Variants in PTGER3 observed in about 807,000 individuals in gnomAD.
The protein encoded by PTGER3 is prostaglandin E2 receptor EP3 subtype.
PTGER3 carries 22 observed loss-of-function variants against 34.7 expected under a neutral mutation model. That is an observed-to-expected ratio of 0.63 (90% CI 0.45 to 0.91). PTGER3 has a LOEUF of 0.91. Among genes scored for constraint, PTGER3 ranks in the 40% least tolerant of loss-of-function variants. The pLI is 0.00. For synonymous variants in PTGER3, 241 were observed against 230.1 expected (o/e 1.05, Z -0.43); for missense variants, 468 against 519.4 (o/e 0.90, Z 0.96).
At chr1:70,928,388 C>T (rs1648342955) in intron 4 of PTGER3, among the ~76,000 whole-genome samples, 1 of 151,636 alleles carries the variant, frequency 6.6e-6, no homozygotes, top group African/African-American at 2.4e-5. Context: ...AATCCCAACT[C>T]TTTGGGAGCC....
chr1:70,991,728 G>C (rs772310408), intron 2 of PTGER3, among the ~76,000 whole-genome samples: 1 of 152,092 alleles, frequency 6.6e-6, no homozygotes, highest in African/African-American at 2.4e-5. Context: ...AGGCTTAACT[G>C]TTCTATGTCC....
chr1:70,968,154 A>C (rs984649028), downstream of PTGER3, among the ~76,000 whole-genome samples: 2 of 152,184 alleles, frequency 1.3e-5, no homozygotes, highest in Non-Finnish European at 2.9e-5. Context: ...GAATGAAAGC[A>C]CTAATGCTGC....
At chr1:71,007,101 T>C in intron 2 of PTGER3, 1 of 984,894 alleles carries the variant, frequency 1.0e-6, no homozygotes, top group Non-Finnish European at 1.2e-6. Context: ...AAAGAGACTT[T>C]TCCATTTAAT....
chr1:70,941,254 A>G (rs1382310269), intron 4 of PTGER3, among the ~76,000 whole-genome samples: 6 of 152,140 alleles, frequency 3.9e-5, no homozygotes, highest in Non-Finnish European at 8.8e-5. Context: ...TTAAGGGGAA[A>G]TTTTTGTGTT....
At position 71,044,705 on chromosome 1, in the gene PTGER3, T is replaced by A. The variant is rs947249120; in HGVS notation, c.897+1976A>T. On this transcript the variant is annotated intron_variant, in intron 1 of 3. Coordinates refer to ENST00000306666, the MANE Select transcript of PTGER3 (RefSeq NM_198719.2). ...CATACTTTTGGTACTAGAATTAAAG[T>A]GTCTAAATCAAAAACACACTACATG... Among the ~76,000 whole-genome samples the A allele has an allele frequency of 2.6e-5, 4 of 152,178 alleles. No individual in the cohort carries two copies. In the South Asian group the frequency reaches 8.3e-4, roughly 32 times the overall value.
chr1:71,035,091 C>G (rs1392931793), intron 1 of PTGER3, among the ~76,000 whole-genome samples: 2 of 152,040 alleles, frequency 1.3e-5, no homozygotes, highest in African/African-American at 4.8e-5. Flanking sequence ...AAAGTGTAAA[C>G]AAAGCTGGAA....
intron 2 of PTGER3, chr1:71,006,602 A>G (rs2100834560): frequency 1.0e-6 from 1 of 978,820 alleles, no homozygotes; most frequent in Non-Finnish European, 1.2e-6. Flanking sequence ...GAGATAATAA[A>G]ACAAAGAAAC....
chr1:71,039,793 C>T (rs184533583), intron 1 of PTGER3, among the ~76,000 whole-genome samples: 25 of 152,080 alleles, frequency 1.6e-4, no homozygotes, highest in Admixed American at 1.2e-3. Context: ...TGAAACACTA[C>T]TTGCCTCCTT....
chr1:70,858,092 G>C (rs1403350760), intron 4 of PTGER3, among the ~76,000 whole-genome samples: 1 of 152,044 alleles, frequency 6.6e-6, no homozygotes, highest in East Asian at 1.9e-4. Flanking sequence ...TTGGAACTCT[G>C]TGACCCTAGA....
At chr1:70,918,356 A>G (rs1647249475) in intron 4 of PTGER3, among the ~76,000 whole-genome samples, 1 of 152,054 alleles carries the variant, frequency 6.6e-6, no homozygotes, top group Admixed American at 6.6e-5. Flanking sequence ...TTTTTGAATA[A>G]GATCTAAAAA....
At chr1:71,010,878 C>A (rs763514856) in intron 2 of PTGER3, 10 of 985,034 alleles carry the variant, frequency 1.0e-5, no homozygotes, top group Admixed American at 1.2e-4. Flanking sequence ...AAAATTAATT[C>A]TTTACCACTA....
chr1:71,015,301 G>A (rs1460686945), intron 1 of PTGER3, among the ~76,000 whole-genome samples: 5 of 152,206 alleles, frequency 3.3e-5, no homozygotes, highest in Admixed American at 6.5e-5. Context: ...AAACTTGGAC[G>A]TATGGGGGAA....
At chr1:70,988,375 T>C (rs535945279) in intron 2 of PTGER3, among the ~76,000 whole-genome samples, 40 of 152,296 alleles carry the variant, frequency 2.6e-4, no homozygotes. Flanking sequence ...ACCAGAGCCC[T>C]GATTATGAGG....
chr1:70,948,250 T>C (rs1436390555), downstream of PTGER3, among the ~76,000 whole-genome samples: 4 of 152,224 alleles, frequency 2.6e-5, no homozygotes, highest in African/African-American at 9.6e-5. Context: ...GGTAATTGAA[T>C]CATGGGGGTG....
chr1:70,953,739 T>C (rs1651011572), intron 3 of PTGER3: 1 of 1,535,036 alleles, frequency 6.5e-7, no homozygotes, highest in African/African-American at 1.4e-5. Flanking sequence ...TGCAACTAGT[T>C]TTAATACTAT....
downstream of PTGER3, among the ~76,000 whole-genome samples, chr1:70,966,470 G>C (rs1415198773): frequency 6.6e-6 from 1 of 151,854 alleles, no homozygotes; most frequent in Admixed American, 6.6e-5. Context: ...GTTTTTCATT[G>C]TTTACATTTT....
chr1:70,981,320 CTTCTTTCTTTCTTTCTTTCT>C lies in PTGER3; in HGVS notation c.1078-6952_1078-6933del, dbSNP rs57513190. Among the ~76,000 whole-genome samples, 599 of 71,136 alleles carry C rather than the reference CTTCTTTCTTTCTTTCTTTCT, an allele frequency of 8.4e-3. 12 individuals carry two copies. Among genetic ancestry groups the C allele is most frequent in the African/African-American group, 0.031 (533 of 17,472 alleles). 46.7% of individuals were successfully genotyped at this position (71,136 alleles called of 152,430 possible). On this transcript the variant is annotated intron_variant, in intron 2 of 3. Transcript: ENST00000306666. ...CCTTCCTTCCTTCCTTCCTTCCTTT[CTTCTTTCTTTCTTTCTTTCT>C]TTCTTTCTTTCTTTCTTTCTTTCTT... is the stretch of plus-strand genomic sequence containing the variant.
At chr1:70,972,161 A>G (rs1321996678) in intron 3 of PTGER3, among the ~76,000 whole-genome samples, 1 of 152,100 alleles carries the variant, frequency 6.6e-6, no homozygotes, top group East Asian at 1.9e-4. Flanking sequence ...CCCCATCTCT[A>G]CTAATACAAA....
intron 2 of PTGER3, among the ~76,000 whole-genome samples, chr1:70,995,740 C>T (rs1655882979): frequency 6.6e-6 from 1 of 151,972 alleles, no homozygotes; most frequent in Non-Finnish European, 1.5e-5. Context: ...TGGTAAAATG[C>T]CTTAGAAAGT....
Sources: allele counts gnomAD v4.1 joint callset (sites outside exome capture counted in the v4.1 genomes callset), GRCh38; gene constraint gnomAD v4.1.1; transcripts MANE v1.5; gene names NCBI Gene and HGNC (gene_info 2026-07-23, HGNC 2026-07-21).